The following MAPKAP1 variants were observed in gnomAD, a reference collection of about 807,000 sequenced individuals.
The protein encoded by MAPKAP1 is target of rapamycin complex 2 subunit MAPKAP1.
MAPKAP1 carries 20 observed loss-of-function variants against 65.7 expected under a neutral mutation model. That is an observed-to-expected ratio of 0.30 (90% CI 0.21 to 0.44). The LOEUF is 0.44. Among genes scored for constraint, MAPKAP1 ranks in the 20% least tolerant of loss-of-function variants. The pLI is 1.00. For synonymous variants in MAPKAP1, 222 were observed against 244.3 expected (o/e 0.91, Z 0.85); for missense variants, 423 against 648.0 (o/e 0.65, Z 3.77).
chr9:125,519,037 T>C (rs1829543841), intron 7 of MAPKAP1, among the ~76,000 whole-genome samples: 1 of 152,218 alleles, frequency 6.6e-6, no homozygotes, highest in Admixed American at 6.5e-5. Context: ...TTTTAAAAAA[T>C]GAGGTGGAAA....
At chr9:125,626,959 C>CT (rs1833136282) in intron 4 of MAPKAP1, among the ~76,000 whole-genome samples, 1 of 152,128 alleles carries the variant, frequency 6.6e-6, no homozygotes, top group Non-Finnish European at 1.5e-5. Context: ...TCATCATATC[C>CT]TTTTCACAGA....
intron 10 of MAPKAP1, among the ~76,000 whole-genome samples, chr9:125,462,328 A>G (rs139241620): frequency 1.3e-5 from 2 of 152,322 alleles, no homozygotes; most frequent in East Asian, 3.9e-4. Context: ...TCAGCCACAC[A>G]TATACATGTG....
intron 4 of MAPKAP1, among the ~76,000 whole-genome samples, chr9:125,635,812 C>T (rs974372606): frequency 3.9e-5 from 6 of 152,184 alleles, no homozygotes; most frequent in African/African-American, 1.2e-4. Context: ...TCTTTATTGT[C>T]ATTTGCATAC....
At chr9:125,692,933 T>A (rs946732706) in intron 1 of MAPKAP1, among the ~76,000 whole-genome samples, 1 of 152,194 alleles carries the variant, frequency 6.6e-6, no homozygotes, top group Admixed American at 6.5e-5. Context: ...GTGACCTGTG[T>A]AAAGGTAACT....
At chr9:125,584,490 G>A (rs769719200) in intron 5 of MAPKAP1, among the ~76,000 whole-genome samples, 1 of 152,060 alleles carries the variant, frequency 6.6e-6, no homozygotes, top group Non-Finnish European at 1.5e-5. Context: ...CCAGGCTGGA[G>A]TGCAGTGGCG....
At chr9:125,703,402 T>C (rs1432322666) in intron 1 of MAPKAP1, among the ~76,000 whole-genome samples, 1 of 152,188 alleles carries the variant, frequency 6.6e-6, no homozygotes, top group Non-Finnish European at 1.5e-5. Context: ...AGCTGAAATA[T>C]GCTGACTTCT....
chr9:125,451,359 C>T (rs978675892), intron 10 of MAPKAP1, among the ~76,000 whole-genome samples: 4 of 152,196 alleles, frequency 2.6e-5, no homozygotes, highest in Middle Eastern at 3.2e-3. Flanking sequence ...TTCTGGACCT[C>T]CACCTGTCCC....
At chr9:125,695,020 T>C (rs565110659) in intron 1 of MAPKAP1, among the ~76,000 whole-genome samples, 2 of 152,242 alleles carry the variant, frequency 1.3e-5, no homozygotes, top group Non-Finnish European at 2.9e-5. Flanking sequence ...ATTTTGAATT[T>C]TTTATACCAA....
At chr9:125,601,810 T>C (rs1832306957) in intron 4 of MAPKAP1, among the ~76,000 whole-genome samples, 1 of 152,232 alleles carries the variant, frequency 6.6e-6, no homozygotes, top group Non-Finnish European at 1.5e-5. Flanking sequence ...GTTGTTACTC[T>C]ATGTAACACA....
Position 125,513,534 on chromosome 9 carries a change from G to C in MAPKAP1, c.959-7117C>G, listed in dbSNP as rs78600299. 5.3e-5 allele frequency among the ~76,000 whole-genome samples: 8 copies of C among 152,334 alleles called. No individual in the cohort carries two copies. The East Asian group carries it at 1.5e-3, about 29-fold the overall frequency. On this transcript the variant is annotated intron_variant, in intron 7 of 11. Transcript: ENST00000265960. ...TTGTGCCATGAGAGGGAGTAACGCTGCCAGCTATGCATCCTTGGGAAGGAA... is the reference window on the plus strand; with the variant it reads ...TTGTGCCATGAGAGGGAGTAACGCTCCCAGCTATGCATCCTTGGGAAGGAA...
chr9:125,648,310 T>A (rs1833790147), intron 4 of MAPKAP1, among the ~76,000 whole-genome samples: 1 of 152,136 alleles, frequency 6.6e-6, no homozygotes, highest in Admixed American at 6.5e-5. Flanking sequence ...AAGAGGAAAG[T>A]TCCAATGTAT....
intron 1 of MAPKAP1, among the ~76,000 whole-genome samples, chr9:125,698,289 ATATATATATATATATATATATAT>A (rs1450943067): frequency 0.015 from 1,173 of 77,800 alleles, 36 homozygotes; most frequent in Middle Eastern, 0.033. Flanking sequence ...ATATATATAA[ATATATATATATATATATATATAT>A]ATATATATAT....
At chr9:125,519,741 C>T (rs540317645) in intron 7 of MAPKAP1, among the ~76,000 whole-genome samples, 47 of 151,460 alleles carry the variant, frequency 3.1e-4, no homozygotes, top group African/African-American at 1.1e-3. Flanking sequence ...GGTCAGATCC[C>T]ATTCGCTCCT....
intron 4 of MAPKAP1, among the ~76,000 whole-genome samples, chr9:125,651,153 G>A (rs146394962): frequency 3.6e-4 from 55 of 152,158 alleles, no homozygotes; most frequent in African/African-American, 1.2e-3. Flanking sequence ...CTATATACCA[G>A]AATATGTAAA....
chr9:125,596,463 C>T lies in MAPKAP1; in HGVS notation c.499-10736G>A, dbSNP rs187443351. ...GAAGCTACAATGATTCTGGCAATTA[C>T]AACAATCAGTCTTCAAATTTTGAAC... is the stretch of plus-strand genomic sequence containing the variant. On this transcript the variant is annotated intron_variant, in intron 4 of 11. Transcript: ENST00000265960. The T allele has an allele frequency of 6.6e-6, 5 of 756,704 alleles. No homozygotes were observed. The African/African-American group carries it at 6.8e-5, about 10-fold the overall frequency. 46.9% of individuals were successfully genotyped at this position (756,704 alleles called of 1,614,324 possible). A position where few individuals can be genotyped will look rare whatever the true frequency, so the allele number is the denominator to read the frequency against.
intron 5 of MAPKAP1, among the ~76,000 whole-genome samples, chr9:125,563,869 C>A (rs2131515419): frequency 6.6e-6 from 1 of 152,278 alleles, no homozygotes; most frequent in East Asian, 1.9e-4. Flanking sequence ...CCTGCCACCA[C>A]ACCTGGCTAA....
intron 1 of MAPKAP1, among the ~76,000 whole-genome samples, chr9:125,677,726 C>T (rs1236045954): frequency 6.6e-6 from 1 of 151,880 alleles, no homozygotes; most frequent in African/African-American, 2.4e-5. Context: ...TAAGATAGAC[C>T]TTTTTACATA....
intron 5 of MAPKAP1, among the ~76,000 whole-genome samples, chr9:125,577,541 C>T (rs1831462855): frequency 7.2e-6 from 1 of 138,474 alleles, no homozygotes; most frequent in Non-Finnish European, 1.6e-5. Context: ...GCCTGGCCGG[C>T]CGCCCCGTCC....
intron 1 of MAPKAP1, among the ~76,000 whole-genome samples, chr9:125,698,293 ATATATATATATAT>A (rs1835468265): frequency 7.8e-4 from 3 of 3,842 alleles, no homozygotes; most frequent in South Asian, 9.6e-3. Flanking sequence ...ATATAAATAT[ATATATATATATAT>A]ATATATATAT....
Sources: allele counts gnomAD v4.1 joint callset (sites outside exome capture counted in the v4.1 genomes callset), GRCh38; gene constraint gnomAD v4.1.1; transcripts MANE v1.5; gene names NCBI Gene and HGNC (gene_info 2026-07-23, HGNC 2026-07-21).